Variants in DOCK3 observed in about 807,000 individuals in gnomAD.
DOCK3 encodes the protein dedicator of cytokinesis protein 3.
DOCK3 carries 60 observed loss-of-function variants against 265.6 expected under a neutral mutation model. That is an observed-to-expected ratio of 0.23 (90% confidence interval 0.18 to 0.28). The LOEUF (loss-of-function observed/expected upper bound fraction) is 0.28, where lower values mean the gene tolerates loss of function less well. Among genes scored for constraint, DOCK3 ranks in the 10% least tolerant of loss-of-function variants. The pLI is 1.00. For synonymous variants in DOCK3, 881 were observed against 938.0 expected (o/e 0.94, Z 1.11); for missense variants, 1,981 against 2,594.3 (o/e 0.76, Z 5.14).
intron 3 of DOCK3, among the ~76,000 whole-genome samples, chr3:50,850,266 A>C (rs2046298194): frequency 1.3e-5 from 2 of 151,694 alleles, no homozygotes. Context: ...GGGCTGAGGC[A>C]GGAGGATCAC....
intron 1 of DOCK3, among the ~76,000 whole-genome samples, chr3:50,769,694 C>T (rs1478713747): frequency 1.3e-5 from 2 of 151,628 alleles, no homozygotes; most frequent in East Asian, 3.9e-4. Context: ...CGCCTATAAT[C>T]CCAGCTACTT....
intron 3 of DOCK3, among the ~76,000 whole-genome samples, chr3:50,873,623 A>G (rs2047542595): frequency 6.6e-6 from 1 of 152,134 alleles, no homozygotes; most frequent in African/African-American, 2.4e-5. Flanking sequence ...CTCACCTAGG[A>G]GTTACAGTCC....
chr3:51,277,976 A>G, intron 26 of DOCK3: 1 of 985,300 alleles, frequency 1.0e-6, no homozygotes. Context: ...AGATCTGGGG[A>G]ATGTTTCTTG....
chr3:51,099,237 G>A (rs2082986789), intron 9 of DOCK3, among the ~76,000 whole-genome samples: 1 of 152,208 alleles, frequency 6.6e-6, no homozygotes, highest in Non-Finnish European at 1.5e-5. Context: ...AAAGTCTTTT[G>A]AGAGATAGAC....
chr3:51,042,130 G>A (rs2109038382), intron 5 of DOCK3, among the ~76,000 whole-genome samples: 1 of 152,178 alleles, frequency 6.6e-6, no homozygotes, highest in African/African-American at 2.4e-5. Flanking sequence ...ACACAACAAA[G>A]AAAAGAAAAC....
chr3:51,336,791 T>C lies in DOCK3; in HGVS notation c.3612-1568T>C, dbSNP rs1393926575. 9.0e-6 allele frequency: 4 copies of C among 442,650 alleles called. No individual in the cohort carries two copies. The East Asian group carries it at 2.1e-4, about 23-fold the overall frequency. 27.4% of individuals were successfully genotyped at this position (442,650 alleles called of 1,614,324 possible). On this transcript the variant is annotated intron_variant, in intron 35 of 52. Coordinates refer to ENST00000266037, the MANE Select transcript of DOCK3 (RefSeq NM_004947.5). ...CCAGTTCCTTTCTGTTTAAGGGACTTAGCTATGAAGTTCTGGTTATGGCCA... is the reference window on the plus strand; with the variant it reads ...CCAGTTCCTTTCTGTTTAAGGGACTCAGCTATGAAGTTCTGGTTATGGCCA...
At position 51,111,767 on chromosome 3, in the gene DOCK3, AACAG is replaced by A. The variant is rs541840943; in HGVS notation, c.746+21387_746+21390del. On this transcript the variant is annotated intron_variant, in intron 9 of 52. Coordinates refer to ENST00000266037, the MANE Select transcript of DOCK3 (RefSeq NM_004947.5). ...GGGAAAAGAAACTATCAACAGAGTA[AACAG>A]ACAACCTACAGAATAAGATAAAATT... is the stretch of plus-strand genomic sequence containing the variant. Among the ~76,000 whole-genome samples the A allele has an allele frequency of 1.1e-4, 16 of 152,368 alleles. No homozygotes were observed. In the South Asian group the frequency reaches 1.7e-3, roughly 16 times the overall value.
intron 4 of DOCK3, among the ~76,000 whole-genome samples, chr3:50,907,582 C>CT (rs1017396104): frequency 2.0e-4 from 30 of 151,888 alleles, no homozygotes; most frequent in African/African-American, 7.0e-4. Context: ...CAACCCCTGC[C>CT]TTTTTTTGTT....
At chr3:51,364,407 G>T (rs2086975909) in intron 49 of DOCK3, among the ~76,000 whole-genome samples, 1 of 152,174 alleles carries the variant, frequency 6.6e-6, no homozygotes, top group Non-Finnish European at 1.5e-5. Flanking sequence ...CAGATGGGTA[G>T]ATTGTAAAAA....
In DOCK3 at chr3:51,282,283, A is replaced by G. The variant is rs1375410038; in HGVS notation, c.2922+2079A>G. Among the ~76,000 whole-genome samples, 5 of 152,186 alleles carry G rather than the reference A, an allele frequency of 3.3e-5. 1 individual carries two copies. In the South Asian group the frequency reaches 6.2e-4, roughly 19 times the overall value. On this transcript the variant is annotated intron_variant, in intron 27 of 52. Coordinates refer to ENST00000266037, the MANE Select transcript of DOCK3 (RefSeq NM_004947.5). ...AAAATTCATACTTTTAAAGTGTACA[A>G]TTTAATGCTTCTGATTATATCCATC...
At chr3:51,349,238 C>A (rs539404051) in intron 39 of DOCK3, among the ~76,000 whole-genome samples, 2 of 152,104 alleles carry the variant, frequency 1.3e-5, no homozygotes, top group Non-Finnish European at 2.9e-5. Flanking sequence ...AGAAGCTTTT[C>A]CTGGAATGGT....
intron 4 of DOCK3, among the ~76,000 whole-genome samples, chr3:50,919,753 GC>G (rs1369945507): frequency 6.6e-6 from 1 of 152,062 alleles, no homozygotes. Flanking sequence ...TCTTTCTCCT[GC>G]CTGATTGCCC....
At chr3:51,135,359 A>G (rs2084746039) in intron 9 of DOCK3, among the ~76,000 whole-genome samples, 1 of 152,056 alleles carries the variant, frequency 6.6e-6, no homozygotes, top group Non-Finnish European at 1.5e-5. Flanking sequence ...TATGTTACCA[A>G]CCTGGCTTCT....
At chr3:51,132,926 A>G (rs2084623603) in intron 9 of DOCK3, among the ~76,000 whole-genome samples, 1 of 152,100 alleles carries the variant, frequency 6.6e-6, no homozygotes, top group Non-Finnish European at 1.5e-5. Flanking sequence ...CCAAGCTGCC[A>G]TCAGCCTTTC....
At chr3:51,228,246 T>C (rs77428931) in intron 17 of DOCK3, among the ~76,000 whole-genome samples, 158 bp downstream of exon 17, 4,120 of 152,326 alleles carry the variant, frequency 0.027, 73 homozygotes, top group South Asian at 0.047. Context: ...GGCTTCTGTC[T>C]TCTAAGTGCG....
intron 32 of DOCK3, among the ~76,000 whole-genome samples, chr3:51,326,581 GTTTTGT>G (rs1299767570): frequency 1.2e-4 from 16 of 130,628 alleles, no homozygotes; most frequent in Admixed American, 3.0e-4. Flanking sequence ...CGCCTGGCAT[GTTTTGT>G]TGTTGTTGTT....
chr3:51,194,709 A>G (rs1213747957), intron 12 of DOCK3, among the ~76,000 whole-genome samples: 1 of 151,916 alleles, frequency 6.6e-6, no homozygotes, highest in Admixed American at 6.6e-5. Flanking sequence ...TTTCTCTAGT[A>G]TAAGTATAGT....
rs150517009 is a variant in DOCK3, at chr3:51,130,629, C to T, written c.747-15920C>T. 1.4e-4 allele frequency among the ~76,000 whole-genome samples: 21 copies of T among 152,294 alleles called. No individual in the cohort carries two copies. In the East Asian group the frequency reaches 3.5e-3, roughly 25 times the overall value. On this transcript the variant is annotated intron_variant, in intron 9 of 52. Transcript: ENST00000266037. ...TGGGGATGTGATGGGAATCACCACC[C>T]GTACATCTTTCAAGTCCTTGATGGT...
At chr3:50,992,399 G>T (rs2078139428) in intron 5 of DOCK3, among the ~76,000 whole-genome samples, 1 of 152,194 alleles carries the variant, frequency 6.6e-6, no homozygotes, top group South Asian at 2.1e-4. Context: ...CCAGGTTCCA[G>T]CTATTCTCCT....
Sources: gnomAD v4.1 joint callset for allele counts (sites outside exome capture counted in the v4.1 genomes callset) on GRCh38, gnomAD v4.1.1 for gene constraint, MANE v1.5 for transcripts, NCBI Gene and HGNC (gene_info 2026-07-23, HGNC 2026-07-21) for gene names.